Variants in RBFOX2 observed in about 807,000 individuals in gnomAD.
RBFOX2 encodes RNA binding fox-1 homolog 2.
Under a neutral mutation model 49.1 loss-of-function variants are expected in RBFOX2, and 10 were observed. The ratio of observed to expected loss-of-function variants is 0.20; its 90% CI spans 0.13 to 0.35. The LOEUF (loss-of-function observed/expected upper bound fraction) is 0.35, where lower values mean the gene tolerates loss of function less well. Ranked by LOEUF, RBFOX2 falls within the 10% of genes least tolerant of loss-of-function variation. The pLI is 1.00. For synonymous variants in RBFOX2, 183 were observed against 187.4 expected, an observed-to-expected ratio of 0.98 and a Z score of 0.19; for missense variants, 323 against 486.9, an observed-to-expected ratio of 0.66 and a Z score of 3.17.
At chr22:36,017,143 C>T (rs2059067426) in intron 1 of RBFOX2, among the ~76,000 whole-genome samples, 2 of 152,184 alleles carry the variant, frequency 1.3e-5, no homozygotes, top group Non-Finnish European at 2.9e-5. Context: ...CACTATCAGA[C>T]TTCCTTATTT....
intron 1 of RBFOX2, among the ~76,000 whole-genome samples, chr22:35,826,014 A>G (rs1170528840): frequency 2.8e-5 from 4 of 144,748 alleles, no homozygotes; most frequent in Admixed American, 1.4e-4. Context: ...GGAATTAACT[A>G]AGATCATATA....
exon 1 of RBFOX2, chr22:35,961,578 G>C: frequency 7.7e-7 from 1 of 1,303,812 alleles, no homozygotes; most frequent in Non-Finnish European, 1.0e-6. Flanking sequence ...AGGGGTTCCT[G>C]GGCTGGTCCA....
chr22:35,921,902 T>C (rs1386108495), intron 1 of RBFOX2, among the ~76,000 whole-genome samples: 2 of 152,212 alleles, frequency 1.3e-5, no homozygotes, highest in African/African-American at 4.8e-5. Flanking sequence ...GGGTGCCCTC[T>C]GTTGACAAAA....
intron 1 of RBFOX2, chr22:35,993,091 C>G (rs1226969179): frequency 6.6e-6 from 1 of 151,558 alleles, no homozygotes; most frequent in Non-Finnish European, 1.5e-5. Flanking sequence ...TAAGAATCAA[C>G]TAAGGAACAC....
intron 1 of RBFOX2, among the ~76,000 whole-genome samples, chr22:35,886,202 T>C (rs1277253481): frequency 2.0e-5 from 3 of 152,118 alleles, no homozygotes; most frequent in Admixed American, 6.6e-5. Context: ...GACAGTTCAT[T>C]ATACCTAGAA....
chr22:35,922,124 T>C (rs941108493), intron 1 of RBFOX2, among the ~76,000 whole-genome samples: 6 of 152,240 alleles, frequency 3.9e-5, no homozygotes, highest in African/African-American at 7.2e-5. Context: ...AGGTTAATTG[T>C]TTCAGGACCA....
chr22:35,994,215 T>C (rs1055048963), intron 1 of RBFOX2: 2 of 151,906 alleles, frequency 1.3e-5, no homozygotes, highest in Non-Finnish European at 2.9e-5. Context: ...TTTAAGAATA[T>C]ATTTTATTGA....
chr22:35,993,747 G>A (rs2058072520), intron 1 of RBFOX2: 1 of 152,214 alleles, frequency 6.6e-6, no homozygotes, highest in Admixed American at 6.5e-5. Context: ...GCCATTATGG[G>A]AGGTCGAGGC....
At chr22:35,925,171 A>C (rs1381229216) in intron 1 of RBFOX2, among the ~76,000 whole-genome samples, 2 of 151,936 alleles carry the variant, frequency 1.3e-5, no homozygotes, top group Non-Finnish European at 2.9e-5. Context: ...CAGCCTGGGC[A>C]ACAGAGCAAG....
chr22:35,926,985 A>G (rs1787078540), intron 1 of RBFOX2, among the ~76,000 whole-genome samples: 1 of 152,224 alleles, frequency 6.6e-6, no homozygotes, highest in Admixed American at 6.5e-5. Context: ...TAAGACTTTA[A>G]TCCTTTCAAA....
intron 1 of RBFOX2, among the ~76,000 whole-genome samples, chr22:35,838,693 G>A (rs1412559390): frequency 1.3e-5 from 2 of 152,198 alleles, no homozygotes; most frequent in Non-Finnish European, 2.9e-5. Context: ...CGCTAAGGCC[G>A]AGAGCATAAA....
chr22:35,984,157 C>A (rs962828973), intron 1 of RBFOX2, among the ~76,000 whole-genome samples: 1 of 152,152 alleles, frequency 6.6e-6, no homozygotes, highest in Non-Finnish European at 1.5e-5. Flanking sequence ...CAATGGTTCT[C>A]AACCTTACTG....
At chr22:35,754,315 T>C (rs1469571751) in intron 9 of RBFOX2, among the ~76,000 whole-genome samples, 3 of 151,486 alleles carry the variant, frequency 2.0e-5, no homozygotes, top group African/African-American at 7.3e-5. Context: ...ATGGTCTCCA[T>C]CTCCTGACCT....
chr22:35,788,487 A>G (rs970587822), intron 2 of RBFOX2, among the ~76,000 whole-genome samples: 3 of 152,198 alleles, frequency 2.0e-5, no homozygotes, highest in Admixed American at 1.3e-4. Flanking sequence ...AGTTTAGCAC[A>G]GTAAATTTTT....
At position 35,745,008 on chromosome 22, in the gene RBFOX2, T is replaced by C. The variant is rs1231895891; in HGVS notation, c.1050-759A>G. Among the ~76,000 whole-genome samples the C allele has an allele frequency of 9.8e-5, 15 of 152,360 alleles. No homozygotes were observed. In the East Asian group the frequency reaches 1.7e-3, roughly 18 times the overall value. ...AGGCACTTCTACCACTGCCGTTATA[T>C]TGTAATGCTCTACTTCATTTATAAA... On this transcript the variant is annotated intron_variant, in intron 11 of 11. Transcript: ENST00000405409.
chr22:35,925,288 G>A (rs1459936582), intron 1 of RBFOX2, among the ~76,000 whole-genome samples: 1 of 152,166 alleles, frequency 6.6e-6, no homozygotes, highest in African/African-American at 2.4e-5. Context: ...GGAGCCTGAG[G>A]CAAGAGGATT....
intron 1 of RBFOX2, among the ~76,000 whole-genome samples, chr22:36,024,990 G>C (rs1190968011): frequency 1.3e-5 from 2 of 151,666 alleles, no homozygotes; most frequent in African/African-American, 4.8e-5. Flanking sequence ...TGTATTTTTA[G>C]TAGAGACGGG....
chr22:35,783,728 C>T (rs1026107304), intron 2 of RBFOX2, among the ~76,000 whole-genome samples: 5 of 152,168 alleles, frequency 3.3e-5, no homozygotes, highest in South Asian at 2.1e-4. Context: ...CCAGACACCA[C>T]GTGTCCTGCA....
intron 4 of RBFOX2, 127 bp from the exon 6 acceptor site, chr22:35,768,476 C>T (rs1941698063): frequency 1.3e-6 from 1 of 761,112 alleles, no homozygotes. Flanking sequence ...AATAATCTCC[C>T]AAAGTCACAT....
Sources: allele counts gnomAD v4.1 joint callset (sites outside exome capture counted in the v4.1 genomes callset), GRCh38; gene constraint gnomAD v4.1.1; transcripts MANE v1.5; gene names NCBI Gene and HGNC (gene_info 2026-07-23, HGNC 2026-07-21).